KIF26B: variants seen among roughly 807,000 people sequenced by gnomAD.
KIF26B encodes kinesin-like protein KIF26B.
In KIF26B, 63 loss-of-function variants were observed where a neutral mutation model predicts 151.2. The ratio of observed to expected loss-of-function variants is 0.42; its 90% CI spans 0.34 to 0.51. KIF26B has a LOEUF of 0.51. KIF26B is among the 20% of genes least tolerant of loss of function. The pLI, the probability that KIF26B is intolerant of heterozygous loss-of-function variation, is 0.07. For synonymous variants in KIF26B, 1,357 were observed against 1,262.1 expected (o/e 1.08, Z -1.59); for missense variants, 2,813 against 2,913.6 (o/e 0.97, Z 0.79).
intron 4 of KIF26B, among the ~76,000 whole-genome samples, chr1:245,459,286 T>C (rs928965833): frequency 4.6e-5 from 7 of 152,226 alleles, no homozygotes; most frequent in Non-Finnish European, 1.0e-4. Flanking sequence ...AAACACAAAA[T>C]GAAGCAGTCT....
At chr1:245,399,398 A>G (rs1377653358) in intron 3 of KIF26B, among the ~76,000 whole-genome samples, 2 of 152,190 alleles carry the variant, frequency 1.3e-5, no homozygotes, top group Non-Finnish European at 2.9e-5. Flanking sequence ...GATGTACATT[A>G]TGTACATGGT....
At position 245,366,862 on chromosome 1, in the gene KIF26B, A is replaced by G; in HGVS notation, c.494A>G (p.Asp165Gly). Residue 165 changes from aspartate to glycine, a missense_variant, in exon 3 of 15, where the codon GAC (aspartate) becomes GGC (glycine). Around this residue, in one of 3 missense-constraint regions of KIF26B, gnomAD observed 676 missense variants for 688.1 expected, o/e 0.98. Transcript: ENST00000407071. ...KDPAFSAVIH[D>G]KLQVPNTIRK... is the part of the protein sequence containing the mutation. The stretch of plus-strand genomic sequence containing the variant: ...CCTGCTTTCTCGGCTGTGATTCACG[A>G]CAAACTCCAGGTCCCCAACACCATC... The G allele has an allele frequency of 6.2e-7, 1 of 1,613,970 alleles. No individual in the cohort carries two copies. Among genetic ancestry groups the G allele is most frequent in the Non-Finnish European group, 8.5e-7 (1 of 1,179,874 alleles).
intron 4 of KIF26B, among the ~76,000 whole-genome samples, chr1:245,455,537 A>C (rs1020022279): frequency 6.6e-6 from 1 of 152,154 alleles, no homozygotes; most frequent in African/African-American, 2.4e-5. Context: ...AACAACACAC[A>C]AAAAAACATA....
intron 4 of KIF26B, among the ~76,000 whole-genome samples, chr1:245,435,974 C>T (rs1229169076): frequency 2.0e-5 from 3 of 152,022 alleles, no homozygotes; most frequent in Admixed American, 2.0e-4. Context: ...GTCAGGAGTT[C>T]GAGACCAGCC....
Position 245,529,998 on chromosome 1 carries a change from A to G in KIF26B, c.1167-10769A>G, listed in dbSNP as rs547589415. On this transcript the variant is annotated intron_variant, in intron 4 of 14. Coordinates refer to ENST00000407071, the MANE Select transcript of KIF26B (RefSeq NM_018012.4). The stretch of plus-strand genomic sequence containing the variant: ...ATGGAAAAAAAAATCTAATAATCCA[A>G]TTTAAAAATGGGCAAAAGATCTGAA... Among the ~76,000 whole-genome samples, 6 of 152,354 alleles carry G rather than the reference A, an allele frequency of 3.9e-5. No individual in the cohort carries two copies. The South Asian group carries it at 1.2e-3, about 32-fold the overall frequency.
intron 4 of KIF26B, among the ~76,000 whole-genome samples, chr1:245,530,424 A>C (rs1233079483): frequency 6.6e-6 from 1 of 152,246 alleles, no homozygotes; most frequent in Admixed American, 6.5e-5. Flanking sequence ...AAGAGTTGGA[A>C]GCAATCTAAG....
At position 245,707,409 on chromosome 1, in the gene KIF26B, CCTG is replaced by C. The variant is rs1175046979; in HGVS notation, c.*4806_*4808del. 6.6e-6 allele frequency: 1 copy of C among 152,224 alleles called. No individual in the cohort carries two copies. Among genetic ancestry groups the C allele is most frequent in the Admixed American group, 6.5e-5 (1 of 15,288 alleles). The allele number at this position is 152,224 out of a possible 1,614,324, so 9.4% of individuals were successfully genotyped here. ...AAAGGTTCCTTCTTTCATTCCCTAT[CCTG>C]CTAACAGCCCACATTGTAATATTTG... On this transcript the variant is annotated 3_prime_UTR_variant, in exon 15 of 15. Transcript: ENST00000407071.
At chr1:245,187,122 C>T (rs556146617) in intron 2 of KIF26B, among the ~76,000 whole-genome samples, 13 of 152,176 alleles carry the variant, frequency 8.5e-5, no homozygotes, top group African/African-American at 1.9e-4. Context: ...CCCAAAGTGC[C>T]GGGATTACAG....
intron 9 of KIF26B, 138 bp downstream of exon 9, chr1:245,612,114 G>GAC: frequency 1.3e-6 from 1 of 767,296 alleles, no homozygotes; most frequent in South Asian, 1.9e-5. Context: ...GTGAGAGAGA[G>GAC]AGAGAGAGAG....
At chr1:245,538,233 T>C (rs1292862362) in intron 4 of KIF26B, among the ~76,000 whole-genome samples, 2 of 152,094 alleles carry the variant, frequency 1.3e-5, no homozygotes, top group Admixed American at 6.5e-5. Context: ...AATGAGCTTA[T>C]AGATAATGGA....
intron 4 of KIF26B, among the ~76,000 whole-genome samples, chr1:245,439,458 T>C (rs552521649): frequency 1.3e-5 from 2 of 151,932 alleles, no homozygotes; most frequent in Non-Finnish European, 2.9e-5. Context: ...AGAGTTGCAA[T>C]AAGTGGTCGT....
intron 10 of KIF26B, among the ~76,000 whole-genome samples, chr1:245,654,553 G>A (rs1010154535): frequency 3.9e-5 from 6 of 152,176 alleles, no homozygotes; most frequent in African/African-American, 1.4e-4. Context: ...AATCTTTCTC[G>A]TGAAAGAGCC....
At chr1:245,424,990 G>C (rs1658585526) in intron 4 of KIF26B, among the ~76,000 whole-genome samples, 1 of 151,320 alleles carries the variant, frequency 6.6e-6, no homozygotes, top group African/African-American at 2.4e-5. Flanking sequence ...CCAGAAAAGA[G>C]ATCGAGACAA....
chr1:245,456,302 A>C (rs1205955466), intron 4 of KIF26B, among the ~76,000 whole-genome samples: 1 of 152,228 alleles, frequency 6.6e-6, no homozygotes, highest in Non-Finnish European at 1.5e-5. Context: ...TGCTGTGATA[A>C]ATGATGCTGC....
In KIF26B at chr1:245,361,187, C is replaced by T. The variant is rs562577076; in HGVS notation, c.466-5647C>T. ...TGTTGCAGCAAGCAGCCCTATTAAT[C>T]GCATTCCCACCTGCCTTTGGCCCTC... On this transcript the variant is annotated intron_variant, in intron 2 of 14. Coordinates refer to ENST00000407071, the MANE Select transcript of KIF26B (RefSeq NM_018012.4). Among the ~76,000 whole-genome samples the T allele has an allele frequency of 1.7e-3, 262 of 152,318 alleles. 1 individual carries two copies. Among genetic ancestry groups the T allele is most frequent in the African/African-American group, 6.2e-3 (256 of 41,578 alleles).
chr1:245,460,558 C>T (rs1659624510), intron 4 of KIF26B, among the ~76,000 whole-genome samples: 1 of 152,232 alleles, frequency 6.6e-6, no homozygotes, highest in East Asian at 1.9e-4. Context: ...GTTCGCCCAC[C>T]CCTTAGAGTA....
intron 2 of KIF26B, among the ~76,000 whole-genome samples, chr1:245,184,050 G>GTTTGTTTTTTTTTTTTTTTT (rs1668954964): frequency 1.0e-4 from 2 of 19,804 alleles, no homozygotes; most frequent in African/African-American, 3.0e-4. Context: ...GGGAGTTGTT[G>GTTTGTTTTTTTTTTTTTTTT]TTTTTTTTTT....
intron 3 of KIF26B, among the ~76,000 whole-genome samples, chr1:245,410,218 A>C (rs944437409): frequency 1.3e-5 from 2 of 152,152 alleles, no homozygotes; most frequent in Non-Finnish European, 2.9e-5. Context: ...GGGCATAGGC[A>C]AAGTGGGATC....
At chr1:245,514,951 G>C (rs530603329) in intron 4 of KIF26B, among the ~76,000 whole-genome samples, 1 of 152,304 alleles carries the variant, frequency 6.6e-6, no homozygotes, top group Non-Finnish European at 1.5e-5. Context: ...TCAGCGGTAG[G>C]TCTGTCTCTC....
Sources: allele counts gnomAD v4.1 joint callset (sites outside exome capture counted in the v4.1 genomes callset), GRCh38; gene constraint gnomAD v4.1.1; regional missense constraint gnomAD v4.1.1; transcripts MANE v1.5; gene names NCBI Gene and HGNC (gene_info 2026-07-23, HGNC 2026-07-21).